Variants in GABRB2 observed in about 807,000 individuals in gnomAD.
GABRB2 encodes gamma-aminobutyric acid receptor subunit beta-2.
Under a neutral mutation model 54.7 loss-of-function variants are expected in GABRB2, and 16 were observed. That is an observed-to-expected ratio of 0.29 (90% CI 0.20 to 0.44). The LOEUF is 0.44. GABRB2 is among the 20% of genes least tolerant of loss of function. The probability of loss-of-function intolerance (pLI) is 1.00; values close to 1 mark genes in which losing one functional copy is unlikely to be tolerated. For missense variants in GABRB2, 355 were observed against 644.0 expected, an observed-to-expected ratio of 0.55 and a Z score of 4.86; for synonymous variants, 244 against 233.8, an observed-to-expected ratio of 1.04 and a Z score of -0.40.
intron 3 of GABRB2, among the ~76,000 whole-genome samples, chr5:161,514,537 A>T (rs1358711642): frequency 6.6e-6 from 1 of 152,098 alleles, no homozygotes; most frequent in Non-Finnish European, 1.5e-5. Context: ...TAAAATGAAA[A>T]CAAGAGATTT....
At chr5:161,482,424 A>G (rs1389428732) in intron 3 of GABRB2, among the ~76,000 whole-genome samples, 1 of 152,064 alleles carries the variant, frequency 6.6e-6, no homozygotes, top group Admixed American at 6.6e-5. Flanking sequence ...ATTTCTTCTC[A>G]CTTTAATTCT....
intron 3 of GABRB2, among the ~76,000 whole-genome samples, chr5:161,461,148 G>A (rs1007971786): frequency 2.6e-5 from 4 of 152,188 alleles, no homozygotes; most frequent in African/African-American, 9.7e-5. Flanking sequence ...TATTATGGTA[G>A]TAATTGTAAG....
At chr5:161,513,252 C>T (rs1759835000) in intron 3 of GABRB2, among the ~76,000 whole-genome samples, 1 of 151,936 alleles carries the variant, frequency 6.6e-6, no homozygotes, top group Non-Finnish European at 1.5e-5. Context: ...ACAGAACTAC[C>T]ATTCGACCCA....
At chr5:161,412,399 T>A (rs1462613667) in intron 4 of GABRB2, among the ~76,000 whole-genome samples, 2 of 152,142 alleles carry the variant, frequency 1.3e-5, no homozygotes, top group African/African-American at 2.4e-5. Flanking sequence ...GCTGCACCGA[T>A]TCCTTACCAT....
intron 5 of GABRB2, among the ~76,000 whole-genome samples, chr5:161,373,522 C>T (rs1169925699): frequency 6.6e-6 from 1 of 152,170 alleles, no homozygotes; most frequent in Non-Finnish European, 1.5e-5. Flanking sequence ...TTTTATCAGC[C>T]ACTGTGTACC....
chr5:161,468,679 T>C (rs953820085), intron 3 of GABRB2, among the ~76,000 whole-genome samples: 4 of 152,000 alleles, frequency 2.6e-5, no homozygotes, highest in African/African-American at 7.2e-5. Context: ...AGTAAGAAGC[T>C]TTCTTAGCTT....
chr5:161,303,165 A>G (rs920312421), intron 9 of GABRB2, among the ~76,000 whole-genome samples: 2 of 152,224 alleles, frequency 1.3e-5, no homozygotes, highest in Admixed American at 6.5e-5. Context: ...ACAGAAATTC[A>G]TGGCTTGTTC....
chr5:161,451,973 T>C (rs1757800968), intron 4 of GABRB2, among the ~76,000 whole-genome samples: 1 of 152,170 alleles, frequency 6.6e-6, no homozygotes, highest in Non-Finnish European at 1.5e-5. Flanking sequence ...TCAACGAAGA[T>C]TTTACTGTGT....
intron 5 of GABRB2, among the ~76,000 whole-genome samples, chr5:161,381,347 CA>C (rs1320904858): frequency 6.6e-6 from 1 of 152,162 alleles, no homozygotes; most frequent in Non-Finnish European, 1.5e-5. Flanking sequence ...ACTACCATCA[CA>C]TCCTTATAAT....
intron 7 of GABRB2, among the ~76,000 whole-genome samples, chr5:161,333,451 GTCATT>G (rs371123318): frequency 5.4e-4 from 82 of 152,296 alleles, no homozygotes; most frequent in African/African-American, 1.9e-3. Flanking sequence ...AGCCTGAGAG[GTCATT>G]TCTTCTCCTT....
intron 7 of GABRB2, among the ~76,000 whole-genome samples, chr5:161,331,576 T>C (rs1246602886): frequency 2.0e-5 from 3 of 152,112 alleles, no homozygotes; most frequent in Admixed American, 2.0e-4. Flanking sequence ...TTTTGACTTA[T>C]GGGGACTGCT....
intron 9 of GABRB2, among the ~76,000 whole-genome samples, chr5:161,301,742 T>C (rs72813504): frequency 0.052 from 7,884 of 152,280 alleles, 277 homozygotes; most frequent in Middle Eastern, 0.068. Context: ...CTCCTTACCA[T>C]CTGCTTTCTA....
chr5:161,322,228 T>C (rs1230738031), intron 9 of GABRB2, among the ~76,000 whole-genome samples: 2 of 152,108 alleles, frequency 1.3e-5, no homozygotes, highest in African/African-American at 4.8e-5. Context: ...AAGAAAAGTT[T>C]ATTATGTTAT....
At chr5:161,444,500 G>C (rs1757555511) in intron 4 of GABRB2, among the ~76,000 whole-genome samples, 1 of 152,166 alleles carries the variant, frequency 6.6e-6, no homozygotes, top group East Asian at 1.9e-4. Flanking sequence ...TGACATTTCT[G>C]TTTATCTTTG....
At chr5:161,466,863 T>G (rs1230361082) in intron 3 of GABRB2, among the ~76,000 whole-genome samples, 5 of 152,130 alleles carry the variant, frequency 3.3e-5, no homozygotes, top group African/African-American at 1.2e-4. Context: ...CTATGGAGTT[T>G]TTCCTCTTTT....
At chr5:161,350,641 G>A (rs1167707975) in intron 5 of GABRB2, among the ~76,000 whole-genome samples, 1 of 152,078 alleles carries the variant, frequency 6.6e-6, no homozygotes, top group Non-Finnish European at 1.5e-5. Flanking sequence ...CGTTGCCAAA[G>A]GAGATTAACA....
At chr5:161,515,668 A>G (rs185409199) in intron 3 of GABRB2, among the ~76,000 whole-genome samples, 1 of 152,316 alleles carries the variant, frequency 6.6e-6, no homozygotes, top group Admixed American at 6.5e-5. Flanking sequence ...AGAACTCATA[A>G]AGGAATTTAT....
At chr5:161,508,073 T>C (rs1581043697) in intron 3 of GABRB2, among the ~76,000 whole-genome samples, 1 of 151,968 alleles carries the variant, frequency 6.6e-6, no homozygotes, top group African/African-American at 2.4e-5. Flanking sequence ...ACTGTTTAAA[T>C]ATAAATACTG....
At position 161,288,829 on chromosome 5, in the gene GABRB2, CTATT is replaced by C. The variant is rs1757155613; in HGVS notation, c.*5248_*5251del. On this transcript the variant is annotated 3_prime_UTR_variant, in exon 10 of 10. Transcript: ENST00000393959. The stretch of plus-strand genomic sequence containing the variant: ...TGCAGGGACAATATTCGTAACAGAA[CTATT>C]TAAACACCCATGCAAAATAAATTAA... 1 of 151,866 alleles carries C rather than the reference CTATT, an allele frequency of 6.6e-6. No homozygotes were observed. Among genetic ancestry groups the C allele is most frequent in the Admixed American group, 6.6e-5 (1 of 15,240 alleles). 9.4% of individuals were successfully genotyped at this position (151,866 alleles called of 1,614,324 possible).
Sources: allele counts gnomAD v4.1 joint callset (sites outside exome capture counted in the v4.1 genomes callset), GRCh38; gene constraint gnomAD v4.1.1; transcripts MANE v1.5; gene names NCBI Gene and HGNC (gene_info 2026-07-23, HGNC 2026-07-21).